The following NPRL3 variants were observed in gnomAD, a reference collection of about 807,000 sequenced individuals.
NPRL3 encodes NPR3 like, GATOR1 complex subunit.
In NPRL3, 23 loss-of-function variants were observed where a neutral mutation model predicts 57.2. The observed-to-expected ratio is 0.40, with a 90% confidence interval of 0.29 to 0.57. The LOEUF (loss-of-function observed/expected upper bound fraction) is 0.57. Among genes scored for constraint, NPRL3 ranks in the 20% least tolerant of loss-of-function variants. The pLI is 0.42. For synonymous variants in NPRL3, 333 were observed against 321.1 expected, an observed-to-expected ratio of 1.04 and a Z score of -0.39; for missense variants, 691 against 767.1, an observed-to-expected ratio of 0.90 and a Z score of 1.17.
chr16:96,409 C>T (rs1287447035), intron 9 of NPRL3, among the ~76,000 whole-genome samples: 2 of 152,150 alleles, frequency 1.3e-5, no homozygotes, highest in African/African-American at 4.8e-5. Flanking sequence ...GCCTCCCTCA[C>T]TCTGCAGGGT....
chr16:105,838 A>T (rs1486966213), intron 7 of NPRL3, among the ~76,000 whole-genome samples: 1 of 152,198 alleles, frequency 6.6e-6, no homozygotes, highest in African/African-American at 2.4e-5. Context: ...TGAATGAGTG[A>T]CATGCTGTCA....
rs1555438735 is a variant in NPRL3 at position 85,564 on chromosome 16, C to T, written c.*1141G>A. The T allele has an allele frequency of 1.2e-6, 2 of 1,613,440 alleles. No homozygotes were observed. The highest frequency in any genetic ancestry group is 2.2e-5 in the East Asian group (1 of 44,880). ...AGCTGTGCCAGGCCCTGGCCATCAA[C>T]AAGAGCTTTGACCAGAGGGACCTGG... On this transcript the variant is annotated 3_prime_UTR_variant, in exon 14 of 14. Coordinates refer to ENST00000611875, the MANE Select transcript of NPRL3 (RefSeq NM_001077350.3).
chr16:121,307 G>A (rs1282405409), intron 3 of NPRL3, among the ~76,000 whole-genome samples: 1 of 152,182 alleles, frequency 6.6e-6, no homozygotes, highest in African/African-American at 2.4e-5. Context: ...ACGGCCAACT[G>A]GAAATCTGTG....
chr16:117,713 G>A (rs1283461482), intron 4 of NPRL3, among the ~76,000 whole-genome samples: 3 of 152,224 alleles, frequency 2.0e-5, no homozygotes, highest in African/African-American at 4.8e-5. Context: ...CCACCAGGCT[G>A]TATCTGCTAA....
chr16:108,625 G>A (rs977020812), intron 7 of NPRL3, among the ~76,000 whole-genome samples: 3 of 151,216 alleles, frequency 2.0e-5, no homozygotes, highest in Non-Finnish European at 2.9e-5. Flanking sequence ...GAATTAAAAA[G>A]TATTTTTTAA....
intron 3 of NPRL3, among the ~76,000 whole-genome samples, chr16:121,643 C>T (rs1043331626): frequency 2.0e-5 from 3 of 151,512 alleles, no homozygotes; most frequent in Non-Finnish European, 4.4e-5. Flanking sequence ...GTCACATTGA[C>T]TTAGTGGCTG....
intron 3 of NPRL3, among the ~76,000 whole-genome samples, chr16:124,711 T>A (rs1012266004): frequency 2.6e-5 from 4 of 152,224 alleles, no homozygotes; most frequent in Non-Finnish European, 5.9e-5. Context: ...TCATGGTGGA[T>A]CCATATATAT....
At chr16:105,540 C>T (rs1347320806) in intron 7 of NPRL3, among the ~76,000 whole-genome samples, 1 of 152,126 alleles carries the variant, frequency 6.6e-6, no homozygotes, top group African/African-American at 2.4e-5. Flanking sequence ...GTCCATGGGA[C>T]CAACCCTGCT....
At chr16:93,833 T>A (rs978825801) in intron 9 of NPRL3, among the ~76,000 whole-genome samples, 2 of 152,220 alleles carry the variant, frequency 1.3e-5, no homozygotes, top group African/African-American at 4.8e-5. Context: ...AGTGCTGGGA[T>A]TACAGGCATG....
intron 6 of NPRL3, among the ~76,000 whole-genome samples, chr16:112,045 C>G (rs896767605): frequency 2.0e-5 from 3 of 152,110 alleles, no homozygotes; most frequent in Admixed American, 6.5e-5. Context: ...CCAATTAGGT[C>G]CTCCTTCAAT....
intron 11 of NPRL3, chr16:91,075 A>G (rs1185251646): frequency 1.3e-5 from 2 of 151,872 alleles, no homozygotes; most frequent in African/African-American, 2.4e-5. Flanking sequence ...GCAAGTTTCT[A>G]TATCAAAACA....
intron 7 of NPRL3, among the ~76,000 whole-genome samples, chr16:102,496 AAC>A (rs1310883289): frequency 6.6e-6 from 1 of 152,174 alleles, no homozygotes; most frequent in African/African-American, 2.4e-5. Flanking sequence ...ATAGGAGCAA[AAC>A]ACACACAAGT....
At chr16:126,541 G>A (rs762572384) in intron 3 of NPRL3, among the ~76,000 whole-genome samples, 8 of 152,106 alleles carry the variant, frequency 5.3e-5, no homozygotes, top group Non-Finnish European at 7.4e-5. Context: ...CTCTGAGGTA[G>A]TGGCCTAAGC....
intron 7 of NPRL3, among the ~76,000 whole-genome samples, chr16:102,295 CAGA>C (rs1408571421): frequency 6.6e-6 from 1 of 152,216 alleles, no homozygotes; most frequent in African/African-American, 2.4e-5. Context: ...TTCTATGACA[CAGA>C]GGAGATGCAA....
At chr16:108,396 G>T (rs554435898) in intron 7 of NPRL3, among the ~76,000 whole-genome samples, 25 of 152,170 alleles carry the variant, frequency 1.6e-4, no homozygotes, top group Admixed American at 1.4e-3. Flanking sequence ...CTCGGGGGAA[G>T]AGGCATCTCG....
At chr16:98,361 C>A (rs1398582084) in intron 8 of NPRL3, 60 bp from the exon 9 acceptor site, 2 of 1,553,168 alleles carry the variant, frequency 1.3e-6, no homozygotes, top group Non-Finnish European at 1.7e-6. Flanking sequence ...ACCGGGTATG[C>A]ACCAGGTCCT....
chr16:115,913 C>G (rs1182243461), intron 5 of NPRL3, among the ~76,000 whole-genome samples: 2 of 152,214 alleles, frequency 1.3e-5, no homozygotes, highest in African/African-American at 4.8e-5. Context: ...TAATCACTCC[C>G]CAACTACTAC....
At chr16:105,429 A>T (rs371057815) in intron 7 of NPRL3, among the ~76,000 whole-genome samples, 1 of 152,144 alleles carries the variant, frequency 6.6e-6, no homozygotes, top group Non-Finnish European at 1.5e-5. Context: ...CAAAAGATCT[A>T]TGTGGGTTCC....
chr16:132,904 C>T (rs908972189), intron 2 of NPRL3, among the ~76,000 whole-genome samples: 1 of 152,078 alleles, frequency 6.6e-6, no homozygotes, highest in Non-Finnish European at 1.5e-5. Flanking sequence ...CTCCTGACCT[C>T]GTGATCCGCC....
Sources: allele counts gnomAD v4.1 joint callset (sites outside exome capture counted in the v4.1 genomes callset), GRCh38; gene constraint gnomAD v4.1.1; transcripts MANE v1.5; gene names NCBI Gene and HGNC (gene_info 2026-07-23, HGNC 2026-07-21).